Variants in ADGRL2 observed in about 807,000 individuals in gnomAD.
ADGRL2 encodes the protein calcium-independent alpha-latrotoxin receptor 2.
ADGRL2 carries 44 observed loss-of-function variants against 157.4 expected under a neutral mutation model. That is an observed-to-expected ratio of 0.28 (90% confidence interval 0.22 to 0.36). The LOEUF is 0.36. Among genes scored for constraint, ADGRL2 ranks in the 10% least tolerant of loss-of-function variants. The pLI, the probability that ADGRL2 is intolerant of heterozygous loss-of-function variation, is 1.00. For missense variants in ADGRL2, 1,510 were observed against 1,768.9 expected, an observed-to-expected ratio of 0.85 and a Z score of 2.63; for synonymous variants, 585 against 624.7, an observed-to-expected ratio of 0.94 and a Z score of 0.95.
chr1:81,477,705 A>G (rs2078301157), intron 2 of ADGRL2, among the ~76,000 whole-genome samples: 1 of 152,244 alleles, frequency 6.6e-6, no homozygotes, highest in African/African-American at 2.4e-5. Flanking sequence ...ACTGCATGTT[A>G]GAGAATCAAT....
intron 23 of ADGRL2, 57 bp from the exon 24 acceptor site, chr1:81,990,332 TAG>T: frequency 1.9e-6 from 3 of 1,550,754 alleles, no homozygotes; most frequent in Non-Finnish European, 1.7e-6. Context: ...ACAAAAGAAA[TAG>T]AGTTTCTGTG....
chr1:81,991,111 G>C lies in ADGRL2; in HGVS notation c.4376G>C (p.Arg1459Thr). Residue 1459 changes from arginine to threonine, a missense_variant, in exon 24 of 24, where the codon AGA (arginine) becomes ACA (threonine). Physicochemically the swap from Arg to Thr is moderately conservative, Grantham distance 71. This residue lies in a region of ADGRL2 where 327 missense variants were observed against 310.1 expected (regional missense o/e 1.05). Coordinates refer to ENST00000686636, the MANE Select transcript of ADGRL2 (RefSeq NM_001366006.2). Reference sequence around the variant, plus strand: ...GGGTGTATTCCAGAAGGAGATGTTAGAGAAGGACAAATGCAGCTGGTTACA... The same window carrying C: ...GGGTGTATTCCAGAAGGAGATGTTACAGAAGGACAAATGCAGCTGGTTACA... ...KEGCIPEGDV[R>T]EGQMQLVTSL The C allele has an allele frequency of 6.2e-7, 1 of 1,609,868 alleles. No homozygotes were observed.
intron 1 of ADGRL2, among the ~76,000 whole-genome samples, chr1:81,323,319 A>C (rs1660661310): frequency 6.6e-6 from 1 of 151,948 alleles, no homozygotes; most frequent in African/African-American, 2.4e-5. Context: ...AAGGTTCATC[A>C]GCCAAAATCT....
At chr1:81,912,216 C>T (rs1183308687) in intron 3 of ADGRL2, among the ~76,000 whole-genome samples, 4 of 151,742 alleles carry the variant, frequency 2.6e-5, no homozygotes, top group South Asian at 2.1e-4. Context: ...GGATTATAGG[C>T]GCGCACCACT....
At chr1:81,575,357 T>G (rs900699839) in intron 2 of ADGRL2, among the ~76,000 whole-genome samples, 2 of 152,138 alleles carry the variant, frequency 1.3e-5, no homozygotes, top group African/African-American at 4.8e-5. Context: ...ACGGAAAGGT[T>G]AAAAAGCAGT....
At position 81,352,983 on chromosome 1, in the gene ADGRL2, T is replaced by C. The variant is rs944293853; in HGVS notation, c.-302+46474T>C. 2.0e-5 allele frequency among the ~76,000 whole-genome samples: 3 copies of C among 152,122 alleles called. No individual in the cohort carries two copies. The East Asian group carries it at 5.8e-4, about 29-fold the overall frequency. On this transcript the variant is annotated intron_variant, in intron 1 of 24. Coordinates refer to the ADGRL2 transcript ENST00000370721. Reference sequence around the variant, plus strand: ...AGAGATGATAGTTTTGGAACATAAATTGAGTGTTGGGGGTGAAAAAGCGTT... The same window carrying C: ...AGAGATGATAGTTTTGGAACATAAACTGAGTGTTGGGGGTGAAAAAGCGTT...
intron 3 of ADGRL2, among the ~76,000 whole-genome samples, chr1:81,642,460 A>C (rs2082240156): frequency 1.3e-5 from 2 of 151,792 alleles, no homozygotes; most frequent in African/African-American, 4.8e-5. Flanking sequence ...ATTCCTTCAA[A>C]GACACAACCT....
At chr1:81,831,299 G>T in intron 1 of ADGRL2, among the ~76,000 whole-genome samples, 1 of 152,264 alleles carries the variant, frequency 6.6e-6, no homozygotes. Flanking sequence ...TAATATAAAT[G>T]AGTAAATTAG....
chr1:81,400,328 T>C (rs1463824128), intron 1 of ADGRL2, among the ~76,000 whole-genome samples: 3 of 152,184 alleles, frequency 2.0e-5, no homozygotes, highest in South Asian at 4.1e-4. Flanking sequence ...TGGTAGCACC[T>C]GGACTTTGGG....
chr1:81,338,791 AAACTG>A (rs1270543035), intron 1 of ADGRL2, among the ~76,000 whole-genome samples: 2 of 152,174 alleles, frequency 1.3e-5, no homozygotes, highest in African/African-American at 4.8e-5. Flanking sequence ...GACAACCCAG[AAACTG>A]AACCCGGGCA....
At chr1:81,657,343 G>C (rs1412247483) in intron 3 of ADGRL2, among the ~76,000 whole-genome samples, 1 of 152,182 alleles carries the variant, frequency 6.6e-6, no homozygotes. Context: ...CTATGAAGCA[G>C]AAAGTGAGCC....
chr1:81,539,021 A>AT (rs1251238888), intron 2 of ADGRL2, among the ~76,000 whole-genome samples: 3 of 151,040 alleles, frequency 2.0e-5, no homozygotes. Context: ...AAAAAAAAAA[A>AT]AAAAAAAGAC....
At chr1:81,661,536 G>A (rs968183317) in intron 3 of ADGRL2, among the ~76,000 whole-genome samples, 12 of 152,148 alleles carry the variant, frequency 7.9e-5, no homozygotes, top group Non-Finnish European at 1.5e-5. Flanking sequence ...TCAACGACAT[G>A]CTTTCTAGGG....
intron 2 of ADGRL2, among the ~76,000 whole-genome samples, chr1:81,470,371 C>G (rs2078145939): frequency 6.6e-6 from 1 of 152,126 alleles, no homozygotes; most frequent in South Asian, 2.1e-4. Flanking sequence ...TCCCCCGGTG[C>G]TCCTGCTCAC....
chr1:81,907,230 G>T lies in ADGRL2; in HGVS notation c.287G>T (p.Arg96Met). Residue 96 changes from arginine (R) to methionine (M), a missense_variant and splice_region_variant, in exon 3 of 24, where the codon AGG becomes ATG. This residue lies in a region of ADGRL2 where 361 missense variants were observed against 498.4 expected (regional missense o/e 0.72). Transcript: ENST00000686636. Reference sequence around the variant, plus strand: ...GATGCCTTCAAAATTATGACTCAAAGGTAAATATTCATGTGTTAATGTCCC... The same window carrying T: ...GATGCCTTCAAAATTATGACTCAAATGTAAATATTCATGTGTTAATGTCCC... ...LPDAFKIMTQ[R>M]CNNRTQCIVV... is the part of the protein sequence containing the mutation. 6.2e-7 allele frequency: 1 copy of T among 1,611,328 alleles called. No homozygotes were observed. Among genetic ancestry groups the T allele is most frequent in the Non-Finnish European group, 8.5e-7 (1 of 1,177,554 alleles).
chr1:81,566,819 A>G (rs1189557285), intron 2 of ADGRL2, among the ~76,000 whole-genome samples: 2 of 152,188 alleles, frequency 1.3e-5, no homozygotes, highest in Non-Finnish European at 2.9e-5. Context: ...ATTATCTGAT[A>G]GCATTTTATT....
intron 2 of ADGRL2, among the ~76,000 whole-genome samples, chr1:81,899,622 A>G (rs2094453470): frequency 6.6e-6 from 1 of 152,164 alleles, no homozygotes. Context: ...TGCAATATTG[A>G]TTTTTTGCTC....
At chr1:81,364,703 C>A (rs934204480) in intron 1 of ADGRL2, among the ~76,000 whole-genome samples, 1 of 144,326 alleles carries the variant, frequency 6.9e-6, no homozygotes, top group Non-Finnish European at 1.5e-5. Flanking sequence ...GTAATTAATT[C>A]TTTTTTTTTT....
intron 1 of ADGRL2, among the ~76,000 whole-genome samples, chr1:81,314,741 C>G (rs939095676): frequency 6.6e-6 from 1 of 152,112 alleles, no homozygotes; most frequent in East Asian, 1.9e-4. Flanking sequence ...CATGCTGTGG[C>G]AGAATTTCAC....
Sources: gnomAD v4.1 joint callset for allele counts (sites outside exome capture counted in the v4.1 genomes callset) on GRCh38, gnomAD v4.1.1 for gene constraint, gnomAD v4.1.1 regional missense constraint, MANE v1.5 for transcripts, NCBI Gene and HGNC (gene_info 2026-07-23, HGNC 2026-07-21) for gene names.